C10orf90: variants seen among roughly 807,000 people sequenced by gnomAD.
C10orf90 encodes the protein chromosome 10 open reading frame 90.
C10orf90 carries 56 observed loss-of-function variants against 62.5 expected under a neutral mutation model. The observed-to-expected ratio is 0.90, with a 90% CI of 0.72 to 1.12. C10orf90 has a LOEUF of 1.12. Among genes scored for constraint, C10orf90 ranks in the 50% most tolerant of loss-of-function variants. The pLI, the probability that C10orf90 is intolerant of heterozygous loss-of-function variation, is 0.00. For synonymous variants in C10orf90, 386 were observed against 340.4 expected, an observed-to-expected ratio of 1.13 and a Z score of -1.47; for missense variants, 970 against 880.4, an observed-to-expected ratio of 1.10 and a Z score of -1.29.
chr10:126,497,383 T>C (rs1330076379), intron 4 of C10orf90, among the ~76,000 whole-genome samples: 3 of 152,010 alleles, frequency 2.0e-5, no homozygotes, highest in Non-Finnish European at 4.4e-5. Context: ...GGGATGGTAT[T>C]GGTCAGAAAA....
chr10:126,505,373 T>A (rs1862675382), intron 3 of C10orf90, among the ~76,000 whole-genome samples: 1 of 152,182 alleles, frequency 6.6e-6, no homozygotes, highest in Non-Finnish European at 1.5e-5. Context: ...ACGGGGATCA[T>A]CTAATTCGAT....
Position 126,504,429 on chromosome 10 carries a change from A to G in C10orf90, c.1062T>C (p.Ser354=), listed in dbSNP as rs1862590907. The G allele has an allele frequency of 1.2e-6, 2 of 1,614,218 alleles. No individual in the cohort carries two copies. The highest frequency in any genetic ancestry group is 2.2e-5 in the East Asian group (1 of 44,878). The change falls in exon 4 of 10, where the codon TCT becomes TCC. Residue 354 remains serine, a synonymous_variant. Transcript: ENST00000488181. This position sits in a 1 kb window ranked among gnomAD's most constrained non-coding sequence, Gnocchi z 4.1. ...VFSSCVHLRV[S]QQCPDSIYYV... ...AATAGATTGAATCTGGACACTGCTG[A>G]GACACCCTGAGGTGGACACAGGAAC...
At chr10:126,430,687 G>A (rs1857520802) in intron 7 of C10orf90, among the ~76,000 whole-genome samples, 1 of 152,116 alleles carries the variant, frequency 6.6e-6, no homozygotes, top group African/African-American at 2.4e-5. Context: ...AAAACACCTG[G>A]GCAGTAACCT....
chr10:126,581,446 T>C (rs1844750387), intron 2 of C10orf90, among the ~76,000 whole-genome samples: 1 of 152,178 alleles, frequency 6.6e-6, no homozygotes, highest in Admixed American at 6.5e-5. Context: ...CCTGTCATCA[T>C]GCCTTCTTCA....
intron 2 of C10orf90, among the ~76,000 whole-genome samples, chr10:126,540,324 A>G (rs1282376372): frequency 2.0e-5 from 3 of 152,186 alleles, no homozygotes; most frequent in Non-Finnish European, 4.4e-5. Context: ...CAAAAACTTG[A>G]CAATTAGATT....
chr10:126,597,091 T>C (rs1306994767), intron 2 of C10orf90, among the ~76,000 whole-genome samples: 1 of 152,248 alleles, frequency 6.6e-6, no homozygotes, highest in East Asian at 1.9e-4. Flanking sequence ...AACTTTTGTA[T>C]ATTGCTGTTG....
chr10:126,508,679 C>T (rs964593875), intron 3 of C10orf90, among the ~76,000 whole-genome samples: 4 of 152,230 alleles, frequency 2.6e-5, no homozygotes, highest in East Asian at 1.9e-4. Context: ...CTGGGTCTAG[C>T]GTGGGCCGGG....
At chr10:126,598,867 C>T (rs1037156681) in intron 2 of C10orf90, among the ~76,000 whole-genome samples, 2 of 152,040 alleles carry the variant, frequency 1.3e-5, no homozygotes, top group African/African-American at 2.4e-5. Context: ...TTTTTCTTTC[C>T]TTTTTTCGTC....
intron 4 of C10orf90, among the ~76,000 whole-genome samples, chr10:126,468,703 T>C (rs1860418101): frequency 6.6e-6 from 1 of 152,230 alleles, no homozygotes; most frequent in East Asian, 1.9e-4. Flanking sequence ...ATGTGAGCCC[T>C]GTGGAAACCC....
chr10:126,593,756 T>C (rs1845027731), intron 2 of C10orf90, among the ~76,000 whole-genome samples: 1 of 152,090 alleles, frequency 6.6e-6, no homozygotes, highest in African/African-American at 2.4e-5. Flanking sequence ...ATACATTGTG[T>C]TCTCTGCTAC....
chr10:126,670,199 A>G (rs1846719943), intron 1 of C10orf90, 42 bp downstream of exon 1: 1 of 451,548 alleles, frequency 2.2e-6, no homozygotes, highest in Non-Finnish European at 4.5e-6. Context: ...TCTCTCTCTG[A>G]GTCAAGCGTG....
intron 1 of C10orf90, among the ~76,000 whole-genome samples, chr10:126,669,246 T>C (rs1472569496): frequency 6.6e-6 from 1 of 152,238 alleles, no homozygotes; most frequent in East Asian, 1.9e-4. Context: ...CTGTGGCCTT[T>C]ACATCTCTGT....
intron 2 of C10orf90, among the ~76,000 whole-genome samples, chr10:126,547,920 T>C (rs1451715770): frequency 5.3e-5 from 8 of 152,132 alleles, no homozygotes; most frequent in African/African-American, 1.2e-4. Flanking sequence ...CTGTATGTCA[T>C]TGGAGTCCCA....
chr10:126,607,462 T>C (rs1339251622), intron 2 of C10orf90, among the ~76,000 whole-genome samples: 1 of 152,238 alleles, frequency 6.6e-6, no homozygotes, highest in Admixed American at 6.5e-5. Context: ...TTTTTCATGA[T>C]GAACACAATG....
At chr10:126,539,222 G>A (rs552466684) in intron 2 of C10orf90, among the ~76,000 whole-genome samples, 3 of 152,314 alleles carry the variant, frequency 2.0e-5, no homozygotes, top group East Asian at 1.9e-4. Flanking sequence ...TTGAATTAGC[G>A]CCTTTAGCAG....
At chr10:126,565,034 A>G (rs1591103126) in intron 2 of C10orf90, among the ~76,000 whole-genome samples, 1 of 24,396 alleles carries the variant, frequency 4.1e-5, no homozygotes, top group Non-Finnish European at 7.0e-5. Flanking sequence ...TATATTATAT[A>G]AAATATATAA....
At chr10:126,583,461 G>C (rs1205569386) in intron 2 of C10orf90, among the ~76,000 whole-genome samples, 1 of 152,018 alleles carries the variant, frequency 6.6e-6, no homozygotes, top group Non-Finnish European at 1.5e-5. Context: ...TTATATTTCA[G>C]GTTTAAAAGC....
chr10:126,618,240 C>T (rs540010077), intron 2 of C10orf90, among the ~76,000 whole-genome samples: 4 of 152,258 alleles, frequency 2.6e-5, no homozygotes, highest in African/African-American at 7.2e-5. Context: ...TGCTATGGCC[C>T]GCATGATGCA....
chr10:126,469,695 C>G (rs1225876790), intron 4 of C10orf90: 1 of 359,398 alleles, frequency 2.8e-6, no homozygotes, highest in Non-Finnish European at 5.5e-6. Context: ...CCCTCAACAC[C>G]TTTGCAAAGC....
Sources: gnomAD v4.1 joint callset for allele counts (sites outside exome capture counted in the v4.1 genomes callset) on GRCh38, gnomAD v4.1.1 for gene constraint, Gnocchi (gnomAD v3.1) non-coding constraint, MANE v1.5 for transcripts, NCBI Gene and HGNC (gene_info 2026-07-23, HGNC 2026-07-21) for gene names.